ARFGEF2: variants seen among roughly 807,000 people sequenced by gnomAD.
The protein encoded by ARFGEF2 is brefeldin A-inhibited guanine nucleotide-exchange protein 2.
A neutral mutation model predicts 219.9 loss-of-function variants in ARFGEF2; 74 were observed. The observed-to-expected ratio is 0.34, with a 90% CI of 0.28 to 0.41. ARFGEF2 has a LOEUF of 0.41. ARFGEF2 is among the 10% of genes least tolerant of loss of function. The pLI, the probability that ARFGEF2 is intolerant of heterozygous loss-of-function variation, is 1.00. For synonymous variants in ARFGEF2, 733 were observed against 799.2 expected, an observed-to-expected ratio of 0.92 and a Z score of 1.40; for missense variants, 1,743 against 2,218.3, an observed-to-expected ratio of 0.79 and a Z score of 4.30.
At chr20:48,979,945 A>AT (rs73623292) in intron 14 of ARFGEF2, among the ~76,000 whole-genome samples, 36,932 of 149,704 alleles carry the variant, frequency 0.25, 5,140 homozygotes, top group East Asian at 0.48. Flanking sequence ...GGATTCGTTG[A>AT]TTTTTTTTTG....
At chr20:48,964,933 T>TTATG (rs2091178566) in intron 7 of ARFGEF2, among the ~76,000 whole-genome samples, 1 of 152,228 alleles carries the variant, frequency 6.6e-6, no homozygotes, top group Non-Finnish European at 1.5e-5. Flanking sequence ...TGTGTTTCAG[T>TTATG]TACTTATGTG....
At position 49,010,297 on chromosome 20, in the gene ARFGEF2, A is replaced by G. The variant is rs769315845; in HGVS notation, c.3650A>G (p.Asn1217Ser). 49 of 1,614,048 alleles carry G rather than the reference A, an allele frequency of 3.0e-5. No individual in the cohort carries two copies. In the Middle Eastern group the frequency reaches 4.9e-4, roughly 16 times the overall value. ...CAGATGGTGAACTCCCAGGCGGCCAACATCCGCTCAGGTTGGAAGAACATC... is the reference window on the plus strand; with the variant it reads ...CAGATGGTGAACTCCCAGGCGGCCAGCATCCGCTCAGGTTGGAAGAACATC... Reference protein sequence around the residue: ...IAQMVNSQAANIRSGWKNIFA... With the variant: ...IAQMVNSQAASIRSGWKNIFA... The change falls in exon 27 of 39, where the codon AAC becomes AGC. Residue 1217 changes from asparagine (N) to serine (S), a missense_variant. By Grantham distance (46) the Asn-to-Ser change is conservative. This residue lies in a region of ARFGEF2 where 102 missense variants were observed against 146.8 expected (regional missense o/e 0.69). Transcript: ENST00000371917.
intron 1 of ARFGEF2, among the ~76,000 whole-genome samples, chr20:48,922,901 G>C (rs2090852293): frequency 6.6e-6 from 1 of 152,150 alleles, no homozygotes; most frequent in African/African-American, 2.4e-5. Context: ...TACTCGAATA[G>C]AGGAGACAAA....
At chr20:48,962,612 T>A (rs1239225565) in intron 6 of ARFGEF2, among the ~76,000 whole-genome samples, 1 of 152,084 alleles carries the variant, frequency 6.6e-6, no homozygotes, top group African/African-American at 2.4e-5. Flanking sequence ...AAGAAGTGAG[T>A]TTAGCAATTG....
rs746401474 is a variant in ARFGEF2, at chr20:49,005,225, T to C, written c.3584+4T>C. ...AGCATATTATGAAGAAAAACAGGTA[T>C]GTGTTTTGCTCTGGAAGACGCTTGG... On this transcript the variant is annotated splice_donor_region_variant and intron_variant, in intron 26 of 38. Transcript: ENST00000371917. The C allele has an allele frequency of 3.1e-6, 5 of 1,614,184 alleles. No homozygotes were observed. The highest frequency in any genetic ancestry group is 1.3e-5 in the African/African-American group (1 of 75,058).
At chr20:49,017,710 A>G (rs1224377215) in intron 33 of ARFGEF2, among the ~76,000 whole-genome samples, 160 bp downstream of exon 33, 2 of 152,188 alleles carry the variant, frequency 1.3e-5, no homozygotes, top group Non-Finnish European at 2.9e-5. Context: ...AAAGTCCAGA[A>G]AAGCATTAAG....
rs1384318968 is a variant in ARFGEF2, at chr20:49,016,475, T to C, written c.4315+60T>C. 3.2e-6 allele frequency: 5 copies of C among 1,570,572 alleles called. No individual in the cohort carries two copies. The African/African-American group carries it at 6.7e-5, about 21-fold the overall frequency. On this transcript the variant is annotated intron_variant, in intron 31 of 38. Transcript: ENST00000371917. The stretch of plus-strand genomic sequence containing the variant: ...CATAGTCTTTAATGAGAGGTTAGTT[T>C]TTTCAATATTTAAAAGCATGGATGT...
intron 6 of ARFGEF2, among the ~76,000 whole-genome samples, chr20:48,961,559 A>G (rs1372438470): frequency 1.3e-5 from 2 of 150,992 alleles, no homozygotes; most frequent in African/African-American, 2.4e-5. Flanking sequence ...GTAGAAGGCA[A>G]TGACAATAAA....
intron 14 of ARFGEF2, among the ~76,000 whole-genome samples, chr20:48,980,775 G>A (rs2091290637): frequency 1.3e-5 from 2 of 152,242 alleles, no homozygotes; most frequent in Admixed American, 6.5e-5. Context: ...TTGGTTTAAA[G>A]TCTGTTTTAT....
chr20:49,017,616 C>T lies in ARFGEF2; in HGVS notation c.4509+66C>T, dbSNP rs982045217. 2.6e-6 allele frequency: 4 copies of T among 1,552,956 alleles called. No homozygotes were observed. The African/African-American group carries it at 5.5e-5, about 21-fold the overall frequency. ...CTATCTTAGTAAAAGATCAATAAGC[C>T]TGTATAGTTTGTACTTTTTTTAATG... On this transcript the variant is annotated intron_variant, in intron 33 of 38. Coordinates refer to ENST00000371917, the MANE Select transcript of ARFGEF2 (RefSeq NM_006420.3).
At position 48,971,279 on chromosome 20, in the gene ARFGEF2, T is replaced by C; in HGVS notation, c.1350T>C (p.Asp450=). The part of the protein sequence containing the change: ...LSKNGVSSVP[D]VFELSLAIFL... ...AAAACGGCGTCTCTTCAGTGCCTGA[T>C]GTCTTTGAGCTCTCTCTTGCCATTT... The change falls in exon 10 of 39, where the codon GAT becomes GAC. Residue 450 remains aspartate (D), a synonymous_variant. Transcript: ENST00000371917. 1.2e-6 allele frequency: 2 copies of C among 1,614,222 alleles called. No individual in the cohort carries two copies. The highest frequency in any genetic ancestry group is 1.7e-6 in the Non-Finnish European group (2 of 1,180,046).
At chr20:48,982,161 G>A (rs2091299785) in intron 14 of ARFGEF2, among the ~76,000 whole-genome samples, 1 of 152,108 alleles carries the variant, frequency 6.6e-6, no homozygotes. Context: ...CTACAGATGG[G>A]GTTTTGGTGT....
intron 17 of ARFGEF2, 23 bp from the exon 18 acceptor site, chr20:48,988,468 T>A: frequency 1.2e-6 from 2 of 1,610,278 alleles, no homozygotes; most frequent in Non-Finnish European, 1.7e-6. Context: ...TTTTAAATGG[T>A]TTTTAATTTT....
intron 1 of ARFGEF2, among the ~76,000 whole-genome samples, chr20:48,927,000 G>A (rs1379375474): frequency 6.6e-6 from 1 of 152,194 alleles, no homozygotes; most frequent in African/African-American, 2.4e-5. Flanking sequence ...TGCTGTGATG[G>A]AGGTGAAAGC....
At chr20:48,939,176 T>C (rs894581223) in intron 1 of ARFGEF2, among the ~76,000 whole-genome samples, 3 of 151,944 alleles carry the variant, frequency 2.0e-5, no homozygotes, top group Non-Finnish European at 4.4e-5. Context: ...GGTTTCACCA[T>C]GTTGGTCAGG....
chr20:48,931,694 G>T (rs1219156745), intron 1 of ARFGEF2, among the ~76,000 whole-genome samples: 1 of 152,088 alleles, frequency 6.6e-6, no homozygotes, highest in Non-Finnish European at 1.5e-5. Flanking sequence ...GCATTCCCAG[G>T]AGCAGGAATA....
At chr20:48,988,197 T>C in intron 16 of ARFGEF2, 107 bp from the exon 17 acceptor site, 1 of 793,220 alleles carries the variant, frequency 1.3e-6, no homozygotes, top group Non-Finnish European at 2.2e-6. Flanking sequence ...TCATTTGGAA[T>C]CAAGGGGAGT....
At chr20:48,932,960 T>C (rs960595734) in intron 1 of ARFGEF2, among the ~76,000 whole-genome samples, 18 of 152,102 alleles carry the variant, frequency 1.2e-4, no homozygotes, top group African/African-American at 4.1e-4. Flanking sequence ...CATTGGCCAC[T>C]GATGGGATTG....
At chr20:49,016,259 G>A (rs1462693670) in intron 30 of ARFGEF2, 21 bp from the exon 31 acceptor site, 5 of 1,613,152 alleles carry the variant, frequency 3.1e-6, no homozygotes, top group Non-Finnish European at 4.2e-6. Flanking sequence ...GCTTTTAAGT[G>A]TCATCTTTTT....
Sources: allele counts gnomAD v4.1 joint callset (sites outside exome capture counted in the v4.1 genomes callset), GRCh38; gene constraint gnomAD v4.1.1; regional missense constraint gnomAD v4.1.1; transcripts MANE v1.5; gene names NCBI Gene and HGNC (gene_info 2026-07-23, HGNC 2026-07-21).